The following MARCHF8 variants were observed in gnomAD, a reference collection of about 807,000 sequenced individuals.
MARCHF8 encodes the protein membrane associated ring-CH-type finger 8, also known as E3 ubiquitin-protein ligase MARCHF8.
MARCHF8 carries 40 observed loss-of-function variants against 51.6 expected under a neutral mutation model. That is an observed-to-expected ratio of 0.77 (90% CI 0.60 to 1.01). The LOEUF is 1.01. MARCHF8 is among the 50% of genes least tolerant of loss of function. The pLI, the probability that MARCHF8 is intolerant of heterozygous loss-of-function variation, is 0.00. For missense variants in MARCHF8, 685 were observed against 708.6 expected, an observed-to-expected ratio of 0.97 and a Z score of 0.38; for synonymous variants, 263 against 280.3, an observed-to-expected ratio of 0.94 and a Z score of 0.62.
intron 3 of MARCHF8, among the ~76,000 whole-genome samples, chr10:45,480,793 G>A (rs2042871950): frequency 1.3e-5 from 2 of 152,238 alleles, no homozygotes; most frequent in Non-Finnish European, 2.9e-5. Flanking sequence ...CTCTGCTAGG[G>A]CAGTGTGAAA....
chr10:45,470,950 T>TA (rs2042677728), intron 3 of MARCHF8, among the ~76,000 whole-genome samples: 1 of 152,168 alleles, frequency 6.6e-6, no homozygotes. Context: ...GAGCCACAAT[T>TA]AAAAGAAAAG....
chr10:45,516,284 C>G (rs912744852), intron 2 of MARCHF8, among the ~76,000 whole-genome samples: 1 of 152,162 alleles, frequency 6.6e-6, no homozygotes, highest in African/African-American at 2.4e-5. Flanking sequence ...CACAAGAGAT[C>G]ACTAAAACAG....
chr10:45,527,898 TAC>T (rs1448208624), intron 2 of MARCHF8, among the ~76,000 whole-genome samples: 20 of 152,228 alleles, frequency 1.3e-4, no homozygotes, highest in African/African-American at 4.6e-4. Flanking sequence ...AAAAACATGG[TAC>T]ACCACAATCA....
At position 45,532,223 on chromosome 10, in the gene MARCHF8, C is replaced by T. The variant is rs1000329499; in HGVS notation, c.102+887G>A. 3.9e-5 allele frequency among the ~76,000 whole-genome samples: 6 copies of T among 152,184 alleles called. No homozygotes were observed. The East Asian group carries it at 7.7e-4, about 20-fold the overall frequency. ...TTTATTTAGACCTTAAAAATCCCAT[C>T]AAATAGATAAATTCAATAAGGCTTT... On this transcript the variant is annotated intron_variant, in intron 2 of 7. Transcript: ENST00000453424.
At position 45,459,152 on chromosome 10, in the gene MARCHF8, G is replaced by A. The variant is rs780696152; in HGVS notation, c.1385C>T (p.Thr462Ile). The A allele has an allele frequency of 2.5e-6, 4 of 1,613,894 alleles. No individual in the cohort carries two copies. The highest frequency in any genetic ancestry group is 1.7e-5 in the Admixed American group (1 of 59,976). ...VWSLYVLIDR[T>I]AEEIKQGQAT... is the part of the protein sequence containing the mutation. ...CTGCCCCTGCTTGATCTCCTCAGCA[G>A]TACGGTCAATGAGCACATACAAGGA... Residue 462 changes from threonine (T) to isoleucine (I), a missense_variant, in exon 7 of 8, where the codon ACT becomes ATT. By Grantham distance (89) the Thr-to-Ile change is moderately conservative. Transcript: ENST00000453424.
intron 1 of MARCHF8, among the ~76,000 whole-genome samples, chr10:45,578,089 T>C (rs548698735): frequency 1.3e-5 from 2 of 152,296 alleles, no homozygotes; most frequent in African/African-American, 4.8e-5. Context: ...CAAACAAACA[T>C]ATCCTAGCTG....
At chr10:45,477,540 A>C (rs527618893) in intron 3 of MARCHF8, among the ~76,000 whole-genome samples, 2 of 152,380 alleles carry the variant, frequency 1.3e-5, no homozygotes, top group South Asian at 4.1e-4. Flanking sequence ...TTATTTAATA[A>C]AGTGACAGGA....
intron 1 of MARCHF8, among the ~76,000 whole-genome samples, chr10:45,573,982 A>C (rs2044460927): frequency 1.3e-5 from 2 of 152,014 alleles, no homozygotes; most frequent in Admixed American, 6.6e-5. Flanking sequence ...ATTTTAACTA[A>C]ATTATTTGCT....
At chr10:45,461,756 A>G (rs971012000) in intron 5 of MARCHF8, 1 of 170,732 alleles carries the variant, frequency 5.9e-6, no homozygotes, top group African/African-American at 2.4e-5. Flanking sequence ...TGGTAAAATA[A>G]TTAGAGGGAA....
chr10:45,581,614 G>T (rs72798219), intron 1 of MARCHF8, among the ~76,000 whole-genome samples: 1,766 of 152,276 alleles, frequency 0.012, 17 homozygotes, highest in Middle Eastern at 0.044. Flanking sequence ...AGCAGAAACT[G>T]TAAGAAGATA....
rs1554818039 is a variant in MARCHF8 at position 45,546,141 on chromosome 10, TA to T, written c.-78-12853del. Among the ~76,000 whole-genome samples the T allele has an allele frequency of 5.2e-5, 7 of 134,368 alleles. No individual in the cohort carries two copies. In the East Asian group the frequency reaches 1.4e-3, roughly 26 times the overall value. The allele number at this position is 134,368 out of a possible 152,430, so 88.2% of individuals were successfully genotyped here. A position where few individuals can be genotyped will look rare whatever the true frequency, so the allele number is the denominator to read the frequency against. On this transcript the variant is annotated intron_variant, in intron 1 of 6. Transcript: ENST00000319836. ...AAAATATAAAAATGAGCTGAATTTT[TA>T]TTTATTTATTTATTTATTTATTTAT...
chr10:45,489,326 A>C, intron 3 of MARCHF8, 41 bp downstream of exon 3: 1 of 1,506,482 alleles, frequency 6.6e-7, no homozygotes, highest in African/African-American at 1.4e-5. Flanking sequence ...AGAACAGAAA[A>C]GACTCAAGGT....
At chr10:45,521,609 T>C (rs532981118) in intron 2 of MARCHF8, among the ~76,000 whole-genome samples, 35 of 152,306 alleles carry the variant, frequency 2.3e-4, no homozygotes, top group African/African-American at 6.0e-4. Flanking sequence ...AACAAAAAAT[T>C]TGGAATTAGA....
At chr10:45,467,531 C>T (rs962119416) in intron 3 of MARCHF8, among the ~76,000 whole-genome samples, 1 of 152,114 alleles carries the variant, frequency 6.6e-6, no homozygotes, top group Non-Finnish European at 1.5e-5. Flanking sequence ...AATCTATCAA[C>T]CAACAAAGAC....
At chr10:45,534,010 T>C (rs1359747605) in intron 1 of MARCHF8, among the ~76,000 whole-genome samples, 1 of 152,090 alleles carries the variant, frequency 6.6e-6, no homozygotes, top group Non-Finnish European at 1.5e-5. Context: ...GGTGAAACCC[T>C]GTCTCTACTA....
intron 1 of MARCHF8, among the ~76,000 whole-genome samples, chr10:45,554,308 C>T (rs2044228509): frequency 6.6e-6 from 1 of 152,054 alleles, no homozygotes; most frequent in Non-Finnish European, 1.5e-5. Context: ...ATCATCTGTT[C>T]CTAAGTTTAT....
At chr10:45,465,846 C>T (rs749431249) in intron 3 of MARCHF8, among the ~76,000 whole-genome samples, 6 of 152,296 alleles carry the variant, frequency 3.9e-5, no homozygotes, top group South Asian at 2.1e-4. Flanking sequence ...ATGAGGTACA[C>T]GGTCTTTAAA....
chr10:45,459,012 C>T, intron 7 of MARCHF8, 108 bp downstream of exon 7: 4 of 1,424,392 alleles, frequency 2.8e-6, no homozygotes, highest in Non-Finnish European at 3.8e-6. Context: ...TGATGTCCCT[C>T]CTCCGGAAAC....
intron 1 of MARCHF8, among the ~76,000 whole-genome samples, chr10:45,568,525 C>A (rs2044390690): frequency 1.3e-5 from 2 of 152,076 alleles, no homozygotes; most frequent in African/African-American, 4.8e-5. Context: ...TCATGACCAT[C>A]CTGGCCAACG....
Sources: allele counts gnomAD v4.1 joint callset (sites outside exome capture counted in the v4.1 genomes callset), GRCh38; gene constraint gnomAD v4.1.1; transcripts MANE v1.5; gene names NCBI Gene and HGNC (gene_info 2026-07-23, HGNC 2026-07-21).